Variants in BICRA observed in about 807,000 individuals in gnomAD.
BICRA encodes the protein BRD4 interacting chromatin remodeling complex associated protein.
In BICRA, 31 loss-of-function variants were observed where a neutral mutation model predicts 96.9. That is an observed-to-expected ratio of 0.32 (90% CI 0.24 to 0.43). The LOEUF (loss-of-function observed/expected upper bound fraction) is 0.43. BICRA is among the 20% of genes least tolerant of loss of function. The probability of loss-of-function intolerance (pLI) is 1.00; values close to 1 mark genes in which losing one functional copy is unlikely to be tolerated. For synonymous variants in BICRA, 1,350 were observed against 1,071.8 expected, an observed-to-expected ratio of 1.26 and a Z score of -5.07; for missense variants, 2,283 against 2,190.3, an observed-to-expected ratio of 1.04 and a Z score of -0.84.
intron 1 of BICRA, among the ~76,000 whole-genome samples, chr19:47,609,640 C>A (rs920193878): frequency 4.0e-5 from 6 of 151,738 alleles, no homozygotes; most frequent in Non-Finnish European, 7.4e-5. Context: ...CCTCCCCTCG[C>A]CCCGCTCCCC....
chr19:47,647,359 C>T (rs1472516143), intron 1 of BICRA, among the ~76,000 whole-genome samples: 1 of 152,080 alleles, frequency 6.6e-6, no homozygotes, highest in African/African-American at 2.4e-5. Flanking sequence ...CTGAGACCAG[C>T]CAGACTCTTC....
At chr19:47,693,327 G>C (rs948046256) in intron 7 of BICRA, among the ~76,000 whole-genome samples, 1 of 152,266 alleles carries the variant, frequency 6.6e-6, no homozygotes, top group Non-Finnish European at 1.5e-5. Flanking sequence ...TGTGCTTGCA[G>C]ACACAGGCTT....
intron 1 of BICRA, among the ~76,000 whole-genome samples, chr19:47,614,365 C>T (rs1018229202): frequency 6.6e-6 from 1 of 152,160 alleles, no homozygotes; most frequent in African/African-American, 2.4e-5. Context: ...GCCTGTAATC[C>T]CAGCACTTTG....
At chr19:47,665,755 G>T (rs1972769352) in intron 1 of BICRA, among the ~76,000 whole-genome samples, 1 of 152,230 alleles carries the variant, frequency 6.6e-6, no homozygotes, top group African/African-American at 2.4e-5. Flanking sequence ...AGGTGCCGCA[G>T]CGCCCCCAAA....
rs1264422108 is a variant in BICRA, at chr19:47,679,550, G to T, written c.380G>T (p.Gly127Val). 7.1e-6 allele frequency: 11 copies of T among 1,547,088 alleles called. No homozygotes were observed. In the Admixed American group the frequency reaches 1.6e-4, roughly 22 times the overall value. Reference sequence around the variant, plus strand: ...GAGGCCGAGGCTGAGCTGGACCTGGGTCCCTTCCAGCTGCCCACCCTGCAG... The same window carrying T: ...GAGGCCGAGGCTGAGCTGGACCTGGTTCCCTTCCAGCTGCCCACCCTGCAG... ...TLEAEAELDL[G>V]PFQLPTLQPA... The change falls in exon 6 of 15, where the codon GGT becomes GTT. Residue 127 changes from glycine to valine, a missense_variant. Transcript: ENST00000594866.
rs1462252827 is a variant in BICRA at position 47,701,506 on chromosome 19, G to A, written c.3774G>A (p.Ser1258=). 9 of 1,547,848 alleles carry A rather than the reference G, an allele frequency of 5.8e-6. No homozygotes were observed. Among genetic ancestry groups the A allele is most frequent in the Non-Finnish European group, 7.8e-6 (9 of 1,146,950 alleles). Residue 1258 remains serine, a synonymous_variant, in exon 15 of 15, where the codon TCG becomes TCA. Coordinates refer to ENST00000594866, the MANE Select transcript of BICRA (RefSeq NM_001394372.1). The surrounding 1 kb of genome is among the most constrained non-coding windows in gnomAD (Gnocchi z 5.4). ...ACGGCGGGGCAGGCGGCTCCCCTTC[G>A]GTCACCTGGGCCCGGGCGTCCTCCT... ...IRHGGAGGSP[S]VTWARASSSL... is the part of the protein sequence containing the mutation.
rs1313733419 is a variant in BICRA, at chr19:47,680,904, C to T, written c.1734C>T (p.Ala578=). The T allele has an allele frequency of 4.0e-6, 6 of 1,484,676 alleles. No individual in the cohort carries two copies. The Admixed American group carries it at 7.5e-5, about 19-fold the overall frequency. 92.0% of individuals were successfully genotyped at this position (1,484,676 alleles called of 1,614,324 possible). A position where few individuals can be genotyped will look rare whatever the true frequency, so the allele number is the denominator to read the frequency against. ...TQSQPAPAGP[A]ATTVLQGVTL... is the part of the protein sequence containing the mutation. ...GCCAGCCAGCGCCCGCCGGGCCGGC[C>T]GCCACCACTGTCCTCCAGGGGGTCA... The change falls in exon 6 of 15, where the codon GCC becomes GCT. Residue 578 remains alanine (A), a synonymous_variant. Coordinates refer to ENST00000594866, the MANE Select transcript of BICRA (RefSeq NM_001394372.1).
Position 47,699,163 on chromosome 19 carries a change from G to T in BICRA, c.3492+104G>T. ...AAGGTGGAGCCTCCCGCCCCTCCTA[G>T]CCCCGGGAGGGAGGTTGGGAGGGAG... is the stretch of plus-strand genomic sequence containing the variant. On this transcript the variant is annotated intron_variant, in intron 13 of 14. Coordinates refer to ENST00000594866, the MANE Select transcript of BICRA (RefSeq NM_001394372.1). This position sits in a 1 kb window ranked among gnomAD's most constrained non-coding sequence, Gnocchi z 5.0. 1 of 957,242 alleles carries T rather than the reference G, an allele frequency of 1.0e-6. No homozygotes were observed. The highest frequency in any genetic ancestry group is 1.6e-6 in the Non-Finnish European group (1 of 610,412). The allele number at this position is 957,242 out of a possible 1,614,324, so 59.3% of individuals were successfully genotyped here. A position where few individuals can be genotyped will look rare whatever the true frequency, so the allele number is the denominator to read the frequency against.
chr19:47,681,182 C>G lies in BICRA; in HGVS notation c.2012C>G (p.Ala671Gly). 1 of 1,529,258 alleles carries G rather than the reference C, an allele frequency of 6.5e-7. No individual in the cohort carries two copies. The highest frequency in any genetic ancestry group is 8.8e-7 in the Non-Finnish European group (1 of 1,140,894). 94.7% of individuals were successfully genotyped at this position (1,529,258 alleles called of 1,614,324 possible). Residue 671 changes from alanine to glycine, a missense_variant, in exon 6 of 15, where the codon GCG (alanine) becomes GGG (glycine). Physicochemically the swap from Ala to Gly is moderately conservative, Grantham distance 60 (BLOSUM62 0). Coordinates refer to ENST00000594866, the MANE Select transcript of BICRA (RefSeq NM_001394372.1). ...ACCCCCCAGCCCAGCCCTGGCCTGGCGTCTAGCCCGGAGAAGATCGTCCTG... is the reference window on the plus strand; with the variant it reads ...ACCCCCCAGCCCAGCCCTGGCCTGGGGTCTAGCCCGGAGAAGATCGTCCTG... ...ATTPQPSPGL[A>G]SSPEKIVLGQ...
rs370464673 is a variant in BICRA at position 47,617,834 on chromosome 19, A to G, written c.-108+8666A>G. Reference sequence around the variant, plus strand: ...TATATTTTTTCTTTTTTGCCAAGGTATTTTAAAGCAAATTCCAGATATCAT... The same window carrying G: ...TATATTTTTTCTTTTTTGCCAAGGTGTTTTAAAGCAAATTCCAGATATCAT... On this transcript the variant is annotated intron_variant, in intron 1 of 14. Transcript: ENST00000594866. Among the ~76,000 whole-genome samples the G allele has an allele frequency of 3.3e-5, 5 of 150,908 alleles. No homozygotes were observed. In the East Asian group the frequency reaches 9.7e-4, roughly 29 times the overall value.
intron 1 of BICRA, among the ~76,000 whole-genome samples, chr19:47,650,861 C>T (rs1281506931): frequency 6.6e-6 from 1 of 152,126 alleles, no homozygotes; most frequent in African/African-American, 2.4e-5. Context: ...CACCACACAT[C>T]CTGACACCAT....
intron 1 of BICRA, among the ~76,000 whole-genome samples, chr19:47,643,011 C>G (rs142546759): frequency 6.6e-6 from 1 of 152,352 alleles, no homozygotes; most frequent in Non-Finnish European, 1.5e-5. Flanking sequence ...GAGTCTCGCT[C>G]CAGGCTGGAG....
In BICRA at chr19:47,673,573, C is replaced by T. The variant is rs1972897231; in HGVS notation, c.-2C>T. On this transcript the variant is annotated 5_prime_UTR_variant, in exon 3 of 15. Coordinates refer to ENST00000594866, the MANE Select transcript of BICRA (RefSeq NM_001394372.1). ...TTCCTGACCCCACCCCATCCAGTGG[C>T]GATGGATGATGAGGATGGGAGATGC... The T allele has an allele frequency of 1.2e-6, 2 of 1,611,844 alleles. No homozygotes were observed. The highest frequency in any genetic ancestry group is 1.7e-6 in the Non-Finnish European group (2 of 1,178,050).
chr19:47,649,110 C>G (rs1972506340), intron 1 of BICRA, among the ~76,000 whole-genome samples: 1 of 152,048 alleles, frequency 6.6e-6, no homozygotes, highest in South Asian at 2.1e-4. Flanking sequence ...CTCGGCATCC[C>G]AAAGTGCTGG....
chr19:47,680,590 C>A lies in BICRA; in HGVS notation c.1420C>A (p.Leu474Met). The A allele has an allele frequency of 1.2e-6, 2 of 1,608,448 alleles. No individual in the cohort carries two copies. Among genetic ancestry groups the A allele is most frequent in the Non-Finnish European group, 1.7e-6 (2 of 1,178,240 alleles). ...HMLPGQNQFL[L>M]PGAPAVQLPQ... ...GCTGCCGGGCCAGAACCAGTTCCTA[C>A]TGCCTGGCGCCCCGGCGGTCCAGCT... Residue 474 changes from leucine to methionine, a missense_variant, in exon 6 of 15, where the codon CTG becomes ATG. By Grantham distance (15) the Leu-to-Met change is conservative. Transcript: ENST00000594866.
chr19:47,615,441 C>T (rs964183455), intron 1 of BICRA, among the ~76,000 whole-genome samples: 2 of 152,296 alleles, frequency 1.3e-5, no homozygotes, highest in African/African-American at 4.8e-5. Flanking sequence ...TTATGGCCTG[C>T]GTCATGTGCT....
intron 1 of BICRA, among the ~76,000 whole-genome samples, chr19:47,659,566 C>T (rs181727174): frequency 6.6e-6 from 1 of 152,048 alleles, no homozygotes; most frequent in Admixed American, 6.6e-5. Flanking sequence ...GTGGATGCCA[C>T]CCTTCTCTGG....
At chr19:47,611,644 C>T (rs1383236705) in intron 1 of BICRA, among the ~76,000 whole-genome samples, 1 of 152,128 alleles carries the variant, frequency 6.6e-6, no homozygotes, top group African/African-American at 2.4e-5. Context: ...ATGCAGCTAG[C>T]GGAGAACTTT....
intron 1 of BICRA, among the ~76,000 whole-genome samples, chr19:47,623,419 C>T (rs111429757): frequency 0.03 from 4,637 of 152,242 alleles, 109 homozygotes; most frequent in Non-Finnish European, 0.044. Context: ...AGGTGTTCAC[C>T]ATCTCCCTGT....
Sources: allele counts gnomAD v4.1 joint callset (sites outside exome capture counted in the v4.1 genomes callset), GRCh38; gene constraint gnomAD v4.1.1; non-coding constraint Gnocchi (gnomAD v3.1); transcripts MANE v1.5; gene names NCBI Gene and HGNC (gene_info 2026-07-23, HGNC 2026-07-21).